NECAB3: variants seen among roughly 807,000 people sequenced by gnomAD.
NECAB3 encodes the protein N-terminal EF-hand calcium-binding protein 3.
NECAB3 carries 38 observed loss-of-function variants against 57.2 expected under a neutral mutation model. That is an observed-to-expected ratio of 0.66 (90% CI 0.51 to 0.87). The LOEUF (loss-of-function observed/expected upper bound fraction) is 0.87. Among genes scored for constraint, NECAB3 ranks in the 40% least tolerant of loss-of-function variants. The pLI is 0.00. For missense variants in NECAB3, 474 were observed against 527.5 expected, an observed-to-expected ratio of 0.90 and a Z score of 0.99; for synonymous variants, 223 against 222.6, an observed-to-expected ratio of 1.00 and a Z score of -0.02.
intron 5 of NECAB3, chr20:33,663,851 C>G (rs2017574263): frequency 1.4e-6 from 2 of 1,404,304 alleles, no homozygotes; most frequent in South Asian, 1.5e-5. Context: ...TGCCGCTGCC[C>G]TCGCCCGCAG....
intron 5 of NECAB3, among the ~76,000 whole-genome samples, chr20:33,668,737 C>A (rs922331169): frequency 6.6e-5 from 10 of 152,230 alleles, no homozygotes; most frequent in Admixed American, 5.9e-4. Flanking sequence ...GGCACAATCC[C>A]GGGCCTGCTC....
Position 33,658,789 on chromosome 20 carries a change from G to A in NECAB3, c.925C>T (p.Leu309=). Residue 309 remains leucine, a synonymous_variant, in exon 9 of 12, where the codon CTG becomes TTG. Coordinates refer to ENST00000246190, the MANE Select transcript of NECAB3 (RefSeq NM_031232.4). ...QRQVQVAEEG[L]QDFHRALRCY... is the part of the protein sequence containing the mutation. The stretch of plus-strand genomic sequence containing the variant: ...CGCAGGGCTCGGTGGAAGTCCTGCA[G>A]GCCTTCCTCTGCCACCTGGACCTGC... 1 of 1,613,348 alleles carries A rather than the reference G, an allele frequency of 6.2e-7. No homozygotes were observed. The highest frequency in any genetic ancestry group is 1.7e-5 in the Admixed American group (1 of 59,996).
At chr20:33,663,750 T>G in intron 5 of NECAB3, 1 of 1,493,512 alleles carries the variant, frequency 6.7e-7, no homozygotes, top group African/African-American at 1.5e-5. Context: ...CCAGGGCAGC[T>G]CTGAGCTGGC....
rs1410781545 is a variant in NECAB3, at chr20:33,659,723, G to A, written c.653C>T (p.Ser218Leu). The A allele has an allele frequency of 1.9e-6, 3 of 1,599,734 alleles. No individual in the cohort carries two copies. The highest frequency in any genetic ancestry group is 2.6e-6 in the Non-Finnish European group (3 of 1,176,236). Residue 218 changes from serine (S) to leucine (L), a missense_variant, in exon 8 of 12, where the codon TCA becomes TTA. Ser to Leu is a moderately radical substitution (Grantham distance 145). Coordinates refer to ENST00000246190, the MANE Select transcript of NECAB3 (RefSeq NM_031232.4). ...GAGCCGCCACTGCATCTCGGCCTCT[G>A]AGCTGCGCCCTGTGTGTGGGGCCCG... Reference protein sequence around the residue: ...SPGSSDTGRSSEAEMQWRLQV... With the variant: ...SPGSSDTGRSLEAEMQWRLQV...
In NECAB3 at chr20:33,660,060, T is replaced by C; in HGVS notation, c.525-57A>G. 2.6e-6 allele frequency: 4 copies of C among 1,538,812 alleles called. No homozygotes were observed. Among genetic ancestry groups the C allele is most frequent in the African/African-American group, 1.4e-5 (1 of 73,472 alleles). On this transcript the variant is annotated intron_variant, in intron 6 of 11. Transcript: ENST00000246190. This position sits in a 1 kb window ranked among gnomAD's most constrained non-coding sequence, Gnocchi z 4.1. ...CTGGGGCCCCAGGACGGGATAAGCC[T>C]GGGTGGGGAAGACAAGCCTCCTGGG... is the stretch of plus-strand genomic sequence containing the variant.
intron 5 of NECAB3, chr20:33,666,747 G>A (rs1175739960): frequency 6.6e-6 from 1 of 152,396 alleles, no homozygotes; most frequent in African/African-American, 2.4e-5. Context: ...CGGCGCCAGA[G>A]GGAGACCAAG....
Position 33,658,735 on chromosome 20 carries a change from T to C in NECAB3, c.979A>G (p.Ser327Gly), listed in dbSNP as rs1387866413. The C allele has an allele frequency of 1.2e-6, 2 of 1,613,490 alleles. No individual in the cohort carries two copies. Among genetic ancestry groups the C allele is most frequent in the South Asian group, 2.2e-5 (2 of 91,056 alleles). Reference sequence around the variant, plus strand: ...CTGGGGACTCACTGCAGACAATGGCTCTGGGCCCCTGTGAAGTCCACATAG... The same window carrying C: ...CTGGGGACTCACTGCAGACAATGGCCCTGGGCCCCTGTGAAGTCCACATAG... ...RCYVDFTGAQSHCLHVSAQKM... is the reference protein window; with the variant it reads ...RCYVDFTGAQGHCLHVSAQKM... The change falls in exon 9 of 12, where the codon AGC becomes GGC. Residue 327 changes from serine (S) to glycine (G), a missense_variant. Coordinates refer to ENST00000246190, the MANE Select transcript of NECAB3 (RefSeq NM_031232.4).
At chr20:33,667,488 C>T (rs2017696431) in intron 5 of NECAB3, 5 of 1,477,262 alleles carry the variant, frequency 3.4e-6, no homozygotes, top group Non-Finnish European at 4.5e-6. Context: ...TGGCAGTGCC[C>T]GCGTGCCACA....
rs865968410 is a variant in NECAB3, at chr20:33,663,414, C to T, written c.388-3019G>A. The T allele has an allele frequency of 9.1e-6, 10 of 1,103,482 alleles. No homozygotes were observed. In the South Asian group the frequency reaches 1.5e-4, roughly 17 times the overall value. 68.4% of individuals were successfully genotyped at this position (1,103,482 alleles called of 1,614,324 possible). ...CCCTGTGCACGAGAGGATGACAGGA[C>T]CCGGGTGGACGACAGGACCCGGGTG... On this transcript the variant is annotated intron_variant, in intron 5 of 11. Transcript: ENST00000246190.
At chr20:33,662,594 G>A (rs1242496186) in intron 5 of NECAB3, 1 of 1,142,006 alleles carries the variant, frequency 8.8e-7, no homozygotes, top group South Asian at 1.6e-5. Flanking sequence ...AGGGGGTGAG[G>A]GAGGAATTCG....
intron 3 of NECAB3, 126 bp downstream of exon 3, chr20:33,670,558 G>A: frequency 3.2e-6 from 2 of 627,700 alleles, no homozygotes; most frequent in Non-Finnish European, 5.4e-6. Flanking sequence ...AGTTGGAACT[G>A]AGCCCTGGTA....
intron 5 of NECAB3, chr20:33,663,373 C>T (rs933729857): frequency 4.0e-6 from 3 of 744,224 alleles, no homozygotes; most frequent in Non-Finnish European, 6.2e-6. Flanking sequence ...CTGAATTGGA[C>T]AGGGGTCCCC....
Position 33,658,822 on chromosome 20 carries a change from C to T in NECAB3, c.892G>A (p.Ala298Thr). 2 of 1,613,170 alleles carry T rather than the reference C, an allele frequency of 1.2e-6. No individual in the cohort carries two copies. The highest frequency in any genetic ancestry group is 1.7e-6 in the Non-Finnish European group (2 of 1,179,820). ...TCTGCCACCTGGACCTGCCTCTGGG[C>T]CATGAGGATGTGCTGGTGGGAGAGG... ...AKGPDLHILM[A>T]QRQVQVAEEG... Residue 298 changes from alanine to threonine, a missense_variant, in exon 9 of 12, where the codon GCC (alanine) becomes ACC (threonine). Transcript: ENST00000246190.
chr20:33,662,739 A>G (rs1391232114), intron 5 of NECAB3: 8 of 415,428 alleles, frequency 1.9e-5, no homozygotes, highest in Non-Finnish European at 3.5e-5. Flanking sequence ...CAGGAGTTTG[A>G]GATTGGCCTG....
At chr20:33,668,295 C>G in intron 5 of NECAB3, 1 of 1,526,298 alleles carries the variant, frequency 6.6e-7, no homozygotes, top group Non-Finnish European at 8.8e-7. Context: ...TCTAAAGAGT[C>G]AAGTGTTTGG....
rs2017443284 is a variant in NECAB3 at position 33,660,658 on chromosome 20, C to T, written c.388-263G>A. ...CAGCGAAGTGCCTGGCCTCTCTGGA[C>T]CTCATGGCCCCTTCCCTGATGGGGC... On this transcript the variant is annotated intron_variant, in intron 5 of 11. Coordinates refer to ENST00000246190, the MANE Select transcript of NECAB3 (RefSeq NM_031232.4). This position sits in a 1 kb window ranked among gnomAD's most constrained non-coding sequence, Gnocchi z 4.1. Among the ~76,000 whole-genome samples the T allele has an allele frequency of 6.6e-6, 1 of 152,200 alleles. No individual in the cohort carries two copies. The highest frequency in any genetic ancestry group is 1.5e-5 in the Non-Finnish European group (1 of 68,022).
Position 33,657,642 on chromosome 20 carries a change from G to A in NECAB3, c.*187C>T, listed in dbSNP as rs2017326037. The stretch of plus-strand genomic sequence containing the variant: ...TGAAGTGACAAACAATAAAATACAG[G>A]GATAAATAAATCAATAATAAATAGA... On this transcript the variant is annotated 3_prime_UTR_variant, in exon 12 of 12. Transcript: ENST00000246190. 1 of 581,982 alleles carries A rather than the reference G, an allele frequency of 1.7e-6. No homozygotes were observed. The highest frequency in any genetic ancestry group is 2.9e-6 in the Non-Finnish European group (1 of 348,184). The allele number at this position is 581,982 out of a possible 1,614,324, so 36.1% of individuals were successfully genotyped here.
In NECAB3 at chr20:33,659,859, G is replaced by A. The variant is rs761106523; in HGVS notation, c.643+26C>T. ...GGGGATGCGGTGCCTGCCTCGGCCA[G>A]GCCTCCCACCCCACCCCAGGCGCAC... On this transcript the variant is annotated intron_variant, in intron 7 of 11. Transcript: ENST00000246190. 3 of 1,539,972 alleles carry A rather than the reference G, an allele frequency of 1.9e-6. No homozygotes were observed. In the Admixed American group the frequency reaches 5.9e-5, roughly 30 times the overall value.
chr20:33,663,795 G>A (rs1283541164), intron 5 of NECAB3: 5 of 1,421,090 alleles, frequency 3.5e-6, no homozygotes, highest in African/African-American at 3.0e-5. Flanking sequence ...CCCCGGGGAA[G>A]GCTCCCCGCG....
Sources: allele counts gnomAD v4.1 joint callset (sites outside exome capture counted in the v4.1 genomes callset), GRCh38; gene constraint gnomAD v4.1.1; non-coding constraint Gnocchi (gnomAD v3.1); transcripts MANE v1.5; gene names NCBI Gene and HGNC (gene_info 2026-07-23, HGNC 2026-07-21).